RAPH1: variants seen among roughly 807,000 people sequenced by gnomAD.
RAPH1 encodes Ras association (RalGDS/AF-6) and pleckstrin homology domains 1.
RAPH1 carries 18 observed loss-of-function variants against 88.1 expected under a neutral mutation model. The observed-to-expected ratio is 0.20, with a 90% CI of 0.14 to 0.30. The LOEUF is 0.30. Ranked by LOEUF, RAPH1 falls within the 10% of genes least tolerant of loss-of-function variation. The probability of loss-of-function intolerance (pLI) is 1.00; values close to 1 mark genes in which losing one functional copy is unlikely to be tolerated. For synonymous variants in RAPH1, 587 were observed against 559.0 expected (o/e 1.05, Z -0.71); for missense variants, 1,448 against 1,543.2 (o/e 0.94, Z 1.03).
At chr2:203,506,848 ATC>A (rs374639357) in intron 1 of RAPH1, among the ~76,000 whole-genome samples, 3,118 of 38,146 alleles carry the variant, frequency 0.082, 532 homozygotes, top group African/African-American at 0.2. Context: ...CTATATATCT[ATC>A]TATATCTATA....
intron 13 of RAPH1, chr2:203,444,463 A>C (rs2098507554): frequency 5.4e-6 from 1 of 185,546 alleles, no homozygotes; most frequent in South Asian, 1.9e-4. Flanking sequence ...AGAAGAAAAA[A>C]AGACAGGAAA....
chr2:203,528,299 C>A (rs991748352), intron 1 of RAPH1, among the ~76,000 whole-genome samples: 2 of 152,048 alleles, frequency 1.3e-5, no homozygotes, highest in African/African-American at 4.8e-5. Flanking sequence ...TATCTACACA[C>A]TCTAAGAACA....
At chr2:203,513,964 C>G (rs1415972458) in intron 1 of RAPH1, among the ~76,000 whole-genome samples, 1 of 151,986 alleles carries the variant, frequency 6.6e-6, no homozygotes, top group Non-Finnish European at 1.5e-5. Context: ...CCTGCCTGAG[C>G]CTCCAGAGTG....
At chr2:203,474,172 G>T (rs2098535446) in intron 4 of RAPH1, among the ~76,000 whole-genome samples, 2 of 152,152 alleles carry the variant, frequency 1.3e-5, no homozygotes, top group South Asian at 4.1e-4. Flanking sequence ...TAGAAAGAGG[G>T]CAAAGGGATA....
intron 13 of RAPH1, chr2:203,442,012 AATTGCATCCAAC>A: frequency 1.3e-6 from 2 of 1,558,780 alleles, no homozygotes; most frequent in South Asian, 2.5e-5. Context: ...GGTGTGAGAC[AATTGCATCCAAC>A]ATGCACAGAA....
At chr2:203,527,924 C>T (rs1393712874) in intron 1 of RAPH1, among the ~76,000 whole-genome samples, 2 of 151,012 alleles carry the variant, frequency 1.3e-5, no homozygotes, top group African/African-American at 4.9e-5. Context: ...AAGGGCAAAG[C>T]AGAATAAAAG....
chr2:203,518,549 A>C (rs944343367), intron 1 of RAPH1, among the ~76,000 whole-genome samples: 35 of 151,194 alleles, frequency 2.3e-4, no homozygotes, highest in African/African-American at 4.9e-4. Flanking sequence ...CAAAAAAAAA[A>C]CAAAAAACTA....
chr2:203,514,624 G>A (rs1166944832), intron 1 of RAPH1, among the ~76,000 whole-genome samples: 1 of 151,674 alleles, frequency 6.6e-6, no homozygotes, highest in Non-Finnish European at 1.5e-5. Flanking sequence ...GCGTGATCTC[G>A]GCTCACTGCA....
chr2:203,440,883 G>T lies in RAPH1; in HGVS notation c.2307C>A (p.Ile769=), dbSNP rs199700302. Residue 769 remains isoleucine (I), a synonymous_variant, in exon 14 of 14, where the codon ATC becomes ATA. Coordinates refer to ENST00000319170, the MANE Select transcript of RAPH1 (RefSeq NM_213589.3). ...APPTPPPPPP[I]PAPLPPQAPP... is the part of the protein sequence containing the mutation. ...GAGCTTGGGGAGGGAGGGGTGCAGG[G>T]ATAGGAGGAGGTGGGGGGGGTGTTG... 3 of 732,480 alleles carry T rather than the reference G, an allele frequency of 4.1e-6. No individual in the cohort carries two copies. Among genetic ancestry groups the T allele is most frequent in the Non-Finnish European group, 6.3e-6 (3 of 478,842 alleles). 45.4% of individuals were successfully genotyped at this position (732,480 alleles called of 1,614,324 possible).
chr2:203,443,685 A>G (rs1215712064), intron 13 of RAPH1: 1 of 152,170 alleles, frequency 6.6e-6, no homozygotes, highest in Non-Finnish European at 1.5e-5. Context: ...ATTAACCAAT[A>G]AAGAAATAAC....
At chr2:203,532,977 AT>A (rs1291182990) in intron 1 of RAPH1, among the ~76,000 whole-genome samples, 1 of 152,216 alleles carries the variant, frequency 6.6e-6, no homozygotes, top group Admixed American at 6.5e-5. Flanking sequence ...GTAACCAAGA[AT>A]CTGTGAATAG....
chr2:203,531,927 TCAAA>T (rs1380177094), intron 1 of RAPH1, among the ~76,000 whole-genome samples: 1 of 152,134 alleles, frequency 6.6e-6, no homozygotes, highest in African/African-American at 2.4e-5. Context: ...AAGGAGGGAT[TCAAA>T]CAGTTGTATA....
intron 1 of RAPH1, among the ~76,000 whole-genome samples, chr2:203,506,770 CTATA>C (rs1223111977): frequency 1.3e-4 from 13 of 99,046 alleles, no homozygotes; most frequent in East Asian, 5.6e-4. Context: ...ATATATATAT[CTATA>C]TATATCTAGA....
At chr2:203,444,428 CAAAAA>C (rs79801084) in intron 13 of RAPH1, 21 of 82,908 alleles carry the variant, frequency 2.5e-4, no homozygotes, top group Admixed American at 1.1e-3. Flanking sequence ...GACACTCTGT[CAAAAA>C]AAAAAAAAAA....
At chr2:203,469,659 C>T (rs1481820117) in intron 4 of RAPH1, among the ~76,000 whole-genome samples, 3 of 152,210 alleles carry the variant, frequency 2.0e-5, no homozygotes, top group African/African-American at 7.2e-5. Flanking sequence ...TTAATGATGA[C>T]AATGGCTAAA....
At chr2:203,470,515 C>T (rs565971668) in intron 4 of RAPH1, among the ~76,000 whole-genome samples, 31 of 152,304 alleles carry the variant, frequency 2.0e-4, no homozygotes, top group African/African-American at 6.7e-4. Context: ...GTAAAGACAT[C>T]ATCCGTGCCA....
intron 1 of RAPH1, among the ~76,000 whole-genome samples, chr2:203,528,466 G>A (rs918032652): frequency 4.6e-5 from 7 of 152,156 alleles, no homozygotes; most frequent in Non-Finnish European, 1.0e-4. Context: ...AGCCCAATCT[G>A]CATAATTGAT....
intron 4 of RAPH1, among the ~76,000 whole-genome samples, chr2:203,479,985 T>C (rs963758298): frequency 1.3e-5 from 2 of 148,154 alleles, no homozygotes; most frequent in African/African-American, 5.3e-5. Flanking sequence ...GAGTCTCCCA[T>C]GGGGAAAAAA....
intron 4 of RAPH1, among the ~76,000 whole-genome samples, chr2:203,485,467 C>A (rs1032154080): frequency 1.7e-4 from 25 of 150,812 alleles, no homozygotes; most frequent in Non-Finnish European, 7.4e-5. Flanking sequence ...AGGTCTATGT[C>A]TTTTCATAGG....
Sources: allele counts gnomAD v4.1 joint callset (sites outside exome capture counted in the v4.1 genomes callset), GRCh38; gene constraint gnomAD v4.1.1; transcripts MANE v1.5; gene names NCBI Gene and HGNC (gene_info 2026-07-23, HGNC 2026-07-21).